Variants in ZMYM5 observed in about 807,000 individuals in gnomAD.
The protein encoded by ZMYM5 is zinc finger MYM-type protein 5.
In ZMYM5, 41 loss-of-function variants were observed where a neutral mutation model predicts 61.8. That is an observed-to-expected ratio of 0.66 (90% CI 0.52 to 0.86). The LOEUF (loss-of-function observed/expected upper bound fraction) is 0.86, where lower values mean the gene tolerates loss of function less well. Among genes scored for constraint, ZMYM5 ranks in the 40% least tolerant of loss-of-function variants. The probability of loss-of-function intolerance (pLI) is 0.00; values close to 1 mark genes in which losing one functional copy is unlikely to be tolerated. For missense variants in ZMYM5, 706 were observed against 786.7 expected (o/e 0.90, Z 1.23); for synonymous variants, 257 against 276.4 (o/e 0.93, Z 0.70).
intron 4 of ZMYM5, among the ~76,000 whole-genome samples, chr13:19,844,137 C>CAA (rs1228066138): frequency 0.013 from 868 of 65,478 alleles, 13 homozygotes; most frequent in African/African-American, 0.039. Flanking sequence ...GACTCCGTCT[C>CAA]AAAAAAAAAA....
At chr13:19,846,006 A>C (rs1953060814) in intron 4 of ZMYM5, among the ~76,000 whole-genome samples, 1 of 152,210 alleles carries the variant, frequency 6.6e-6, no homozygotes, top group African/African-American at 2.4e-5. Context: ...TCTGGTGTTT[A>C]GACTCCACTG....
In ZMYM5 at chr13:19,849,022, C is replaced by T. The variant is rs1182019950; in HGVS notation, c.586+2333G>A. On this transcript the variant is annotated intron_variant, in intron 4 of 7. Coordinates refer to ENST00000337963, the MANE Select transcript of ZMYM5 (RefSeq NM_001142684.2). ...GGAAAAAATAAAAAATGTAAACATA[C>T]GTATTTATTGTAGCTTCAAAACAAT... 3.9e-5 allele frequency among the ~76,000 whole-genome samples: 6 copies of T among 151,998 alleles called. No homozygotes were observed. In the East Asian group the frequency reaches 7.7e-4, roughly 20 times the overall value.
Position 19,851,392 on chromosome 13 carries a change from TAA to T in ZMYM5, c.547_548del (p.Leu183IlefsTer11). ...GAGTTGCAAATTCTCCATTCTGAAATAAGTCTCCTGCCACATTCATTCTACCA... is the reference window on the plus strand; with the variant it reads ...GAGTTGCAAATTCTCCATTCTGAAATGTCTCCTGCCACATTCATTCTACCA... ...NPGRMNVAGD[L>X]FQNGEFATHH... On this transcript the variant is annotated frameshift_variant, in exon 4 of 8. Transcript: ENST00000337963. LOFTEE classifies it high-confidence loss of function. 6.2e-7 allele frequency: 1 copy of T among 1,614,136 alleles called. No individual in the cohort carries two copies. The highest frequency in any genetic ancestry group is 8.5e-7 in the Non-Finnish European group (1 of 1,180,028).
At chr13:19,840,401 TCTCA>T (rs1347771855) in intron 4 of ZMYM5, among the ~76,000 whole-genome samples, 3 of 152,162 alleles carry the variant, frequency 2.0e-5, no homozygotes, top group Non-Finnish European at 4.4e-5. Flanking sequence ...AGTCCCAGCT[TCTCA>T]CTCTGTTGCC....
rs766445837 is a variant in ZMYM5 at position 19,838,994 on chromosome 13, T to C, written c.587-9A>G. 1.2e-5 allele frequency: 19 copies of C among 1,592,358 alleles called. No individual in the cohort carries two copies. The highest frequency in any genetic ancestry group is 1.6e-5 in the Non-Finnish European group (19 of 1,171,606). ...CTGGGAGATCCAAGAATCTTAAAAA[T>C]GAAACAAGAAAAAAATCATGGAACA... On this transcript the variant is annotated splice_polypyrimidine_tract_variant and intron_variant, in intron 4 of 7. Transcript: ENST00000337963.
At chr13:19,826,352 A>G (rs563743960) in intron 7 of ZMYM5, among the ~76,000 whole-genome samples, 6 of 151,740 alleles carry the variant, frequency 4.0e-5, no homozygotes, top group African/African-American at 1.2e-4. Flanking sequence ...ACTCCGTCTC[A>G]AAAAACAAAA....
intron 2 of ZMYM5, among the ~76,000 whole-genome samples, chr13:19,856,061 CA>C (rs1213154832): frequency 1.3e-5 from 2 of 151,416 alleles, no homozygotes; most frequent in South Asian, 2.1e-4. Flanking sequence ...ACAACAACAA[CA>C]AAACTACTAA....
chr13:19,857,061 C>A (rs12017338), intron 2 of ZMYM5, among the ~76,000 whole-genome samples: 1 of 151,498 alleles, frequency 6.6e-6, no homozygotes, highest in Non-Finnish European at 1.5e-5. Context: ...AGCCGAGATC[C>A]CGCCACTGCA....
chr13:19,858,485 T>C (rs912461429), intron 2 of ZMYM5, among the ~76,000 whole-genome samples: 7 of 147,110 alleles, frequency 4.8e-5, no homozygotes, highest in African/African-American at 1.8e-4. Context: ...CTTGGGAAAC[T>C]GAGGCAGGCA....
intron 7 of ZMYM5, among the ~76,000 whole-genome samples, chr13:19,831,917 G>A (rs916471429): frequency 8.0e-5 from 12 of 149,684 alleles, no homozygotes; most frequent in East Asian, 4.1e-4. Flanking sequence ...GTACAGTGGC[G>A]TGATCTCGGC....
intron 4 of ZMYM5, among the ~76,000 whole-genome samples, chr13:19,840,706 T>C (rs1398603238): frequency 6.6e-6 from 1 of 150,858 alleles, no homozygotes; most frequent in Admixed American, 6.6e-5. Flanking sequence ...AGACGGAGTC[T>C]CGCTCTGTCG....
chr13:19,835,599 T>A lies in ZMYM5; in HGVS notation c.1129A>T (p.Met377Leu). 1 of 1,367,734 alleles carries A rather than the reference T, an allele frequency of 7.3e-7. No individual in the cohort carries two copies. Among genetic ancestry groups the A allele is most frequent in the South Asian group, 1.1e-5 (1 of 88,056 alleles). 84.7% of individuals were successfully genotyped at this position (1,367,734 alleles called of 1,614,324 possible). A position where few individuals can be genotyped will look rare whatever the true frequency, so the allele number is the denominator to read the frequency against. The change falls in exon 7 of 8, where the codon ATG (methionine) becomes TTG (leucine). Residue 377 changes from methionine (M) to leucine (L), a missense_variant. Physicochemically the swap from Met to Leu is conservative, Grantham distance 15. Around this residue, in one of 2 missense-constraint regions of ZMYM5, gnomAD observed 480 missense variants for 461.7 expected, o/e 1.04. Transcript: ENST00000337963. ...NKYRLANGLI[M>L]NCCEHCGEYM... ...TCTCCACAGTGTTCACAGCAGTTCA[T>A]TATTAGACCATTGGCCAATCTGTAC... is the stretch of plus-strand genomic sequence containing the variant.
rs906507895 is a variant in ZMYM5 at position 19,837,359 on chromosome 13, GACT to G, written c.1038+294_1038+296del. On this transcript the variant is annotated intron_variant, in intron 6 of 7. Transcript: ENST00000337963. ...CCAGCCCTTGACCCCCAACTCTTGA[GACT>G]ACATTTTTATTTAATGTCATCAGTA... The G allele has an allele frequency of 1.3e-5, 17 of 1,287,392 alleles. No individual in the cohort carries two copies. The African/African-American group carries it at 2.4e-4, about 18-fold the overall frequency. The allele number at this position is 1,287,392 out of a possible 1,614,324, so 79.7% of individuals were successfully genotyped here.
In ZMYM5 at chr13:19,838,999, CAA is replaced by C. The variant is rs755398720; in HGVS notation, c.587-16_587-15del. ...AGATCCAAGAATCTTAAAAATGAAA[CAA>C]GAAAAAAATCATGGAACAAATCAAA... On this transcript the variant is annotated splice_polypyrimidine_tract_variant and intron_variant, in intron 4 of 7. Coordinates refer to ENST00000337963, the MANE Select transcript of ZMYM5 (RefSeq NM_001142684.2). 1 of 1,591,408 alleles carries C rather than the reference CAA, an allele frequency of 6.3e-7. No individual in the cohort carries two copies. The highest frequency in any genetic ancestry group is 1.2e-5 in the South Asian group (1 of 86,846).
chr13:19,857,232 A>T (rs1294573705), intron 2 of ZMYM5, among the ~76,000 whole-genome samples: 1 of 152,274 alleles, frequency 6.6e-6, no homozygotes, highest in East Asian at 1.9e-4. Flanking sequence ...ACATTTAACT[A>T]GTCTTCTTGT....
rs115485106 is a variant in ZMYM5, at chr13:19,852,028, C to T, written c.153G>A (p.Val51=). 3.3e-4 allele frequency: 529 copies of T among 1,613,870 alleles called. 2 individuals are homozygous for T. The highest frequency in any genetic ancestry group is 2.6e-3 in the South Asian group (241 of 91,078). ...PLVSRSRNSP[V]EDDDDDDDVV... ...CATCATCATCATCATCATCATCTTC[C>T]ACTGGTGAGTTCCTAGATCTACTGA... Residue 51 remains valine, a synonymous_variant, in exon 3 of 8, where the codon GTG becomes GTA. Coordinates refer to ENST00000337963, the MANE Select transcript of ZMYM5 (RefSeq NM_001142684.2).
chr13:19,842,961 A>T (rs1952930854), intron 4 of ZMYM5, among the ~76,000 whole-genome samples: 1 of 2,628 alleles, frequency 3.8e-4, no homozygotes, highest in African/African-American at 4.6e-4. Context: ...ACTCCATCTC[A>T]AAAAAAAAAA....
At chr13:19,835,014 C>CA (rs1952630639) in intron 7 of ZMYM5, among the ~76,000 whole-genome samples, 1 of 146,094 alleles carries the variant, frequency 6.8e-6, no homozygotes, top group Admixed American at 7.0e-5. Flanking sequence ...TTTTTTGAGA[C>CA]AGGCTTTCGC....
chr13:19,827,446 G>T (rs1890967617), intron 7 of ZMYM5, among the ~76,000 whole-genome samples: 1 of 152,018 alleles, frequency 6.6e-6, no homozygotes, highest in Non-Finnish European at 1.5e-5. Context: ...CTAATACAAA[G>T]AACATTTTTA....
Sources: allele counts gnomAD v4.1 joint callset (sites outside exome capture counted in the v4.1 genomes callset), GRCh38; gene constraint gnomAD v4.1.1; regional missense constraint gnomAD v4.1.1; transcripts MANE v1.5; gene names NCBI Gene and HGNC (gene_info 2026-07-23, HGNC 2026-07-21).